CDK17: variants seen among roughly 807,000 people sequenced by gnomAD.
CDK17 encodes cyclin-dependent kinase 17.
CDK17 carries 24 observed loss-of-function variants against 77.6 expected under a neutral mutation model. The ratio of observed to expected loss-of-function variants is 0.31; its 90% confidence interval spans 0.22 to 0.44. The LOEUF is 0.44. Among genes scored for constraint, CDK17 ranks in the 20% least tolerant of loss-of-function variants. The pLI, the probability that CDK17 is intolerant of heterozygous loss-of-function variation, is 1.00. For missense variants in CDK17, 429 were observed against 622.5 expected (o/e 0.69, Z 3.31); for synonymous variants, 203 against 210.4 (o/e 0.96, Z 0.30).
At chr12:96,300,163 G>A in intron 6 of CDK17, 141 bp downstream of exon 6, 2 of 623,898 alleles carry the variant, frequency 3.2e-6, no homozygotes, top group Non-Finnish European at 2.9e-6. Context: ...TAGAAACTCT[G>A]TTACCTTTCC....
intron 1 of CDK17, among the ~76,000 whole-genome samples, chr12:96,365,313 T>G (rs567426408): frequency 2.1e-4 from 32 of 152,322 alleles, no homozygotes; most frequent in African/African-American, 7.5e-4. Context: ...TCCATCATTT[T>G]ATTTGACTCT....
intron 1 of CDK17, among the ~76,000 whole-genome samples, chr12:96,386,576 C>G (rs1443977193): frequency 2.0e-5 from 3 of 151,942 alleles, no homozygotes; most frequent in Non-Finnish European, 4.4e-5. Context: ...GAGGATCTCT[C>G]GAGTCCATGA....
chr12:96,287,698 T>C (rs796675540), intron 11 of CDK17, among the ~76,000 whole-genome samples: 7 of 152,164 alleles, frequency 4.6e-5, no homozygotes, highest in African/African-American at 1.7e-4. Context: ...AGCAGGGTCC[T>C]GAAAAGGTAT....
intron 1 of CDK17, among the ~76,000 whole-genome samples, chr12:96,396,009 T>C (rs1954162439): frequency 6.6e-6 from 1 of 152,232 alleles, no homozygotes; most frequent in African/African-American, 2.4e-5. Flanking sequence ...TCAAAAAATA[T>C]TTTCAAAAGG....
chr12:96,366,904 A>G (rs1322667223), intron 1 of CDK17, among the ~76,000 whole-genome samples: 1 of 152,164 alleles, frequency 6.6e-6, no homozygotes, highest in Non-Finnish European at 1.5e-5. Flanking sequence ...ACCTACGCAT[A>G]TTTTAACCTC....
intron 1 of CDK17, among the ~76,000 whole-genome samples, chr12:96,366,799 T>C (rs1381289023): frequency 6.6e-6 from 1 of 152,228 alleles, no homozygotes; most frequent in Non-Finnish European, 1.5e-5. Flanking sequence ...CACAAACATA[T>C]GTGACTTCTC....
chr12:96,327,607 G>A (rs1396822090), intron 2 of CDK17, among the ~76,000 whole-genome samples: 1 of 151,946 alleles, frequency 6.6e-6, no homozygotes, highest in East Asian at 1.9e-4. Context: ...AAGTGCAGTG[G>A]TGCAGTCACA....
intron 1 of CDK17, among the ~76,000 whole-genome samples, chr12:96,362,415 T>C (rs1239946415): frequency 1.3e-5 from 2 of 152,006 alleles, no homozygotes; most frequent in African/African-American, 4.8e-5. Flanking sequence ...GACGGAGTTT[T>C]ACCACATTGG....
intron 5 of CDK17, 137 bp downstream of exon 5, chr12:96,310,914 TA>T: frequency 1.2e-6 from 1 of 866,680 alleles, no homozygotes; most frequent in Non-Finnish European, 1.7e-6. Context: ...TGGAAAATAA[TA>T]AAAATCGAGA....
chr12:96,340,186 C>T (rs1253990992), intron 1 of CDK17, among the ~76,000 whole-genome samples: 1 of 151,938 alleles, frequency 6.6e-6, no homozygotes, highest in Non-Finnish European at 1.5e-5. Context: ...ACCTTTTCTT[C>T]ATATAGTGCA....
chr12:96,280,957 A>T, intron 15 of CDK17, 72 bp from the exon 16 acceptor site: 1 of 1,204,898 alleles, frequency 8.3e-7, no homozygotes, highest in Non-Finnish European at 1.2e-6. Flanking sequence ...CTATCAACAA[A>T]TGTTTATAAA....
In CDK17 at chr12:96,286,084, A is replaced by C. The variant is rs1347536177; in HGVS notation, c.1281T>G (p.Phe427Leu). The change falls in exon 13 of 17, where the codon TTT becomes TTG. Residue 427 changes from phenylalanine (F) to leucine (L), a missense_variant. Physicochemically the swap from Phe to Leu is conservative, Grantham distance 22 (BLOSUM62 0). Around this residue, in one of 4 missense-constraint regions of CDK17, gnomAD observed 115 missense variants for 124.2 expected, o/e 0.93. Transcript: ENST00000261211. The stretch of plus-strand genomic sequence containing the variant: ...TTAGAGGCTGTGGTTTATATTTTGG[A>C]AAGTTGTAGTTCTTGAACTCCTCAT... ...SSNEEFKNYN[F>L]PKYKPQPLIN... is the part of the protein sequence containing the mutation. 17 of 1,558,346 alleles carry C rather than the reference A, an allele frequency of 1.1e-5. No homozygotes were observed. Among genetic ancestry groups the C allele is most frequent in the African/African-American group, 2.8e-5 (2 of 72,178 alleles).
intron 1 of CDK17, among the ~76,000 whole-genome samples, chr12:96,370,788 A>G (rs1232904680): frequency 3.3e-5 from 5 of 152,148 alleles, no homozygotes; most frequent in African/African-American, 1.2e-4. Flanking sequence ...CTATTCTCAT[A>G]TTTTTGAAAA....
chr12:96,295,776 C>T (rs769802812), intron 9 of CDK17, among the ~76,000 whole-genome samples: 5 of 152,122 alleles, frequency 3.3e-5, no homozygotes, highest in Non-Finnish European at 5.9e-5. Flanking sequence ...GCATTAGCAC[C>T]GTAGTGTTCT....
intron 1 of CDK17, among the ~76,000 whole-genome samples, chr12:96,394,899 CAG>C (rs1178411849): frequency 1.4e-5 from 2 of 147,310 alleles, no homozygotes; most frequent in Non-Finnish European, 3.0e-5. Context: ...TCCCCCGAGA[CAG>C]AGTCTTGCTC....
chr12:96,390,784 G>A (rs1954055465), intron 1 of CDK17, among the ~76,000 whole-genome samples: 1 of 149,006 alleles, frequency 6.7e-6, no homozygotes, highest in Non-Finnish European at 1.5e-5. Flanking sequence ...CCATGGAACA[G>A]TTTTTATTTA....
At chr12:96,373,166 G>C (rs939272370) in intron 1 of CDK17, among the ~76,000 whole-genome samples, 2 of 152,214 alleles carry the variant, frequency 1.3e-5, no homozygotes, top group Non-Finnish European at 2.9e-5. Flanking sequence ...CTTTCTTTAA[G>C]AGAAACTGAG....
At chr12:96,384,429 T>C (rs1397169118) in intron 1 of CDK17, among the ~76,000 whole-genome samples, 1 of 152,114 alleles carries the variant, frequency 6.6e-6, no homozygotes, top group Non-Finnish European at 1.5e-5. Flanking sequence ...GGAAAACAAA[T>C]CATTTTATCA....
intron 1 of CDK17, among the ~76,000 whole-genome samples, chr12:96,367,459 G>C (rs1953606752): frequency 6.8e-6 from 1 of 147,718 alleles, no homozygotes; most frequent in East Asian, 2.0e-4. Context: ...ATTAGAATTT[G>C]TTACTAACAG....
Sources: allele counts gnomAD v4.1 joint callset (sites outside exome capture counted in the v4.1 genomes callset), GRCh38; gene constraint gnomAD v4.1.1; regional missense constraint gnomAD v4.1.1; transcripts MANE v1.5; gene names NCBI Gene and HGNC (gene_info 2026-07-23, HGNC 2026-07-21).